Variants in SGSM1 observed in about 807,000 individuals in gnomAD.
SGSM1 encodes RUN and TBC1 domain containing 2.
A neutral mutation model predicts 133.8 loss-of-function variants in SGSM1; 73 were observed. The observed-to-expected ratio is 0.55, with a 90% CI of 0.45 to 0.66. SGSM1 has a LOEUF of 0.66. Among genes scored for constraint, SGSM1 ranks in the 30% least tolerant of loss-of-function variants. The probability of loss-of-function intolerance (pLI) is 0.00; values close to 1 mark genes in which losing one functional copy is unlikely to be tolerated. For missense variants in SGSM1, 1,213 were observed against 1,448.1 expected (o/e 0.84, Z 2.64); for synonymous variants, 563 against 573.0 (o/e 0.98, Z 0.25).
Position 24,867,109 on chromosome 22 carries a change from G to A in SGSM1, c.943G>A (p.Ala315Thr). 1 of 1,613,788 alleles carries A rather than the reference G, an allele frequency of 6.2e-7. No homozygotes were observed. The highest frequency in any genetic ancestry group is 8.5e-7 in the Non-Finnish European group (1 of 1,179,846). Residue 315 changes from alanine (A) to threonine (T), a missense_variant, in exon 10 of 25, where the codon GCC (alanine) becomes ACC (threonine). Physicochemically the swap from Ala to Thr is moderately conservative, Grantham distance 58. Coordinates refer to ENST00000400358, the MANE Select transcript of SGSM1 (RefSeq NM_001098497.3). Reference sequence around the variant, plus strand: ...CGCTTCCAGCGTCTACTGGGACTATGCCATGACCATCCGCTTGGAGGAGAT... The same window carrying A: ...CGCTTCCAGCGTCTACTGGGACTATACCATGACCATCCGCTTGGAGGAGAT... ...DYEKSVYWDY[A>T]MTIRLEEIVY... is the part of the protein sequence containing the mutation.
At chr22:24,904,255 T>C (rs748047178) in intron 20 of SGSM1, among the ~76,000 whole-genome samples, 3 of 152,148 alleles carry the variant, frequency 2.0e-5, no homozygotes, top group Non-Finnish European at 4.4e-5. Flanking sequence ...TGAAATGGGA[T>C]AGTCCATGTT....
chr22:24,895,168 C>T (rs1932884533), intron 17 of SGSM1, 55 bp from the exon 18 acceptor site: 1 of 1,542,146 alleles, frequency 6.5e-7, no homozygotes. Context: ...GTCCTTCCTG[C>T]TCTGGGCCAG....
intron 18 of SGSM1, 42 bp downstream of exon 18, chr22:24,895,333 C>A: frequency 6.3e-7 from 1 of 1,586,726 alleles, no homozygotes; most frequent in Non-Finnish European, 8.6e-7. Flanking sequence ...CCACTCCTCT[C>A]CCTTCTGCCT....
At chr22:24,923,228 T>G (rs1398908749) in intron 24 of SGSM1, among the ~76,000 whole-genome samples, 1 of 152,164 alleles carries the variant, frequency 6.6e-6, no homozygotes, top group Non-Finnish European at 1.5e-5. Context: ...GTGCTCAACT[T>G]AGATGGAGTA....
intron 2 of SGSM1, among the ~76,000 whole-genome samples, chr22:24,819,647 T>A (rs961939831): frequency 1.3e-5 from 2 of 152,136 alleles, no homozygotes; most frequent in Non-Finnish European, 1.5e-5. Context: ...CTATTTATTA[T>A]CCCATTTTAC....
intron 14 of SGSM1, among the ~76,000 whole-genome samples, chr22:24,881,427 G>A (rs1186653843): frequency 0.041 from 5,485 of 133,698 alleles, 306 homozygotes; most frequent in East Asian, 0.069. Context: ...TTAGTCGGGT[G>A]TGGTGGTGGG....
At chr22:24,819,249 A>T (rs1368703110) in intron 2 of SGSM1, among the ~76,000 whole-genome samples, 2 of 152,132 alleles carry the variant, frequency 1.3e-5, no homozygotes, top group African/African-American at 4.8e-5. Flanking sequence ...GTTAGCCGCG[A>T]GTCACAAGTG....
At chr22:24,828,296 CT>C (rs1379341294) in intron 2 of SGSM1, among the ~76,000 whole-genome samples, 1 of 152,144 alleles carries the variant, frequency 6.6e-6, no homozygotes, top group African/African-American at 2.4e-5. Flanking sequence ...ATTGCATAAA[CT>C]TTCTGAGGCT....
intron 24 of SGSM1, among the ~76,000 whole-genome samples, chr22:24,923,254 C>T (rs780162074): frequency 2.0e-5 from 3 of 151,750 alleles, no homozygotes; most frequent in Admixed American, 2.0e-4. Flanking sequence ...ACGCTTCCCT[C>T]GAAATACCCA....
At chr22:24,917,607 C>G in intron 22 of SGSM1, 51 bp from the exon 23 acceptor site, 2 of 1,426,710 alleles carry the variant, frequency 1.4e-6, no homozygotes, top group Non-Finnish European at 2.0e-6. Flanking sequence ...GCTGTCTCCT[C>G]TGCTCCAACC....
At chr22:24,913,829 G>T (rs995474530) in intron 22 of SGSM1, among the ~76,000 whole-genome samples, 14 of 151,386 alleles carry the variant, frequency 9.2e-5, no homozygotes, top group African/African-American at 3.4e-4. Flanking sequence ...AGACCAGCCC[G>T]GCCAACATGG....
Position 24,914,020 on chromosome 22 carries a change from G to A in SGSM1, c.2928+1268G>A, listed in dbSNP as rs866004709. ...AAATACAAAAAATTGGCCGGGTGCAGTGACTCAAGCCTGTAATCCCAGCAC... is the reference window on the plus strand; with the variant it reads ...AAATACAAAAAATTGGCCGGGTGCAATGACTCAAGCCTGTAATCCCAGCAC... On this transcript the variant is annotated intron_variant, in intron 22 of 24. Transcript: ENST00000400358. 1.1e-4 allele frequency among the ~76,000 whole-genome samples: 17 copies of A among 152,062 alleles called. No individual in the cohort carries two copies. In the East Asian group the frequency reaches 2.1e-3, roughly 19 times the overall value.
intron 12 of SGSM1, 50 bp downstream of exon 12, chr22:24,868,905 G>A (rs1157610416): frequency 6.3e-7 from 1 of 1,594,806 alleles, no homozygotes; most frequent in African/African-American, 1.3e-5. Flanking sequence ...AACTGATCCT[G>A]AAAATGACTC....
At chr22:24,878,069 C>G (rs181134837) in intron 13 of SGSM1, among the ~76,000 whole-genome samples, 36 of 152,192 alleles carry the variant, frequency 2.4e-4, no homozygotes, top group Non-Finnish European at 4.3e-4. Flanking sequence ...CCTTGGCCTC[C>G]CAAAGTGCTG....
chr22:24,851,443 G>GGT (rs1491421521), intron 5 of SGSM1, among the ~76,000 whole-genome samples: 1 of 123,882 alleles, frequency 8.1e-6, no homozygotes, highest in African/African-American at 3.5e-5. Context: ...GGAGGGGGGG[G>GGT]TGGGGGGAGA....
chr22:24,916,596 G>A (rs1933830576), intron 22 of SGSM1, among the ~76,000 whole-genome samples: 1 of 152,126 alleles, frequency 6.6e-6, no homozygotes, highest in South Asian at 2.1e-4. Flanking sequence ...TACTTGGGAG[G>A]CTGAGGCACG....
At chr22:24,869,918 TATG>T (rs1931684182) in intron 12 of SGSM1, among the ~76,000 whole-genome samples, 1 of 152,238 alleles carries the variant, frequency 6.6e-6, no homozygotes, top group Non-Finnish European at 1.5e-5. Context: ...GCCTGGCATT[TATG>T]AAGCATTGTA....
intron 4 of SGSM1, among the ~76,000 whole-genome samples, chr22:24,848,168 C>T (rs1930262876): frequency 6.6e-6 from 1 of 151,572 alleles, no homozygotes. Flanking sequence ...TCACTTGATG[C>T]AGAACTTCAT....
rs1932966929 is a variant in SGSM1, at chr22:24,898,000, A to G, written c.2051A>G (p.Gln684Arg). 6.2e-7 allele frequency: 1 copy of G among 1,608,046 alleles called. No individual in the cohort carries two copies. Among genetic ancestry groups the G allele is most frequent in the African/African-American group, 1.3e-5 (1 of 74,814 alleles). The change falls in exon 19 of 25, where the codon CAG (glutamine) becomes CGG (arginine). Residue 684 changes from glutamine (Q) to arginine (R), a missense_variant. Physicochemically the swap from Gln to Arg is conservative, Grantham distance 43. Transcript: ENST00000400358. ...QVFESVDEVE[Q>R]VEAEGRLEEK... is the part of the protein sequence containing the mutation. ...TTTGAGTCTGTGGATGAGGTGGAGC[A>G]GGTGGAGGCTGAAGGCAGATTGGAG...
Sources: gnomAD v4.1 joint callset for allele counts (sites outside exome capture counted in the v4.1 genomes callset) on GRCh38, gnomAD v4.1.1 for gene constraint, MANE v1.5 for transcripts, NCBI Gene and HGNC (gene_info 2026-07-23, HGNC 2026-07-21) for gene names.